PARVB: variants seen among roughly 807,000 people sequenced by gnomAD.
PARVB encodes the protein beta-parvin.
A neutral mutation model predicts 47.0 loss-of-function variants in PARVB; 46 were observed. That is an observed-to-expected ratio of 0.98 (90% CI 0.77 to 1.25). The LOEUF is 1.25. PARVB is among the 50% of genes most tolerant of loss of function. The pLI, the probability that PARVB is intolerant of heterozygous loss-of-function variation, is 0.00. For synonymous variants in PARVB, 196 were observed against 196.3 expected (o/e 1.00, Z 0.01); for missense variants, 473 against 471.6 (o/e 1.00, Z -0.03).
In PARVB at chr22:44,024,405, G is replaced by A; in HGVS notation, c.66G>A (p.Leu22=). 7.9e-7 allele frequency: 1 copy of A among 1,259,298 alleles called. No homozygotes were observed. Among genetic ancestry groups the A allele is most frequent in the Non-Finnish European group, 1.0e-6 (1 of 988,186 alleles). 78.0% of individuals were successfully genotyped at this position (1,259,298 alleles called of 1,614,324 possible). Residue 22 remains leucine (L), a synonymous_variant, in exon 1 of 13, where the codon CTG becomes CTA. Coordinates refer to ENST00000338758, the MANE Select transcript of PARVB (RefSeq NM_013327.5). Reference sequence around the variant, plus strand: ...GGATGAAGAAGGACGAGTCGTTCCTGGGCAAGCTGGGCGGCACCCTGGCCA... The same window carrying A: ...GGATGAAGAAGGACGAGTCGTTCCTAGGCAAGCTGGGCGGCACCCTGGCCA... The part of the protein sequence containing the change: ...PRRMKKDESF[L]GKLGGTLARK...
In PARVB at chr22:44,157,992, G is replaced by T; in HGVS notation, c.854G>T (p.Gly285Val). Residue 285 changes from glycine to valine, a missense_variant, in exon 11 of 13, where the codon GGC (glycine) becomes GTC (valine). Physicochemically the swap from Gly to Val is moderately radical, Grantham distance 109. Transcript: ENST00000338758. ...VTELETQFAD[G>V]VYLVLLMGLL... ...AGTCTTTCTCTGCAGTTTGCAGATG[G>T]CGTGTACCTGGTTCTGCTCATGGGC... is the stretch of plus-strand genomic sequence containing the variant. 3 of 1,612,926 alleles carry T rather than the reference G, an allele frequency of 1.9e-6. No individual in the cohort carries two copies. Among genetic ancestry groups the T allele is most frequent in the Non-Finnish European group, 2.5e-6 (3 of 1,178,960 alleles).
rs991370413 is a variant in PARVB at position 44,170,879 on chromosome 22, G to A, written c.*2201G>A. ...TGATATGAAATCGAATGCCAACACC[G>A]AAGTTTTAGAAAACAGTTTAATATT... On this transcript the variant is annotated 3_prime_UTR_variant, in exon 13 of 13. Transcript: ENST00000338758. 6 of 152,206 alleles carry A rather than the reference G, an allele frequency of 3.9e-5. No homozygotes were observed. The highest frequency in any genetic ancestry group is 5.9e-5 in the Non-Finnish European group (4 of 68,034). 9.4% of individuals were successfully genotyped at this position (152,206 alleles called of 1,614,324 possible).
intron 1 of PARVB, among the ~76,000 whole-genome samples, chr22:44,048,411 G>A (rs953152269): frequency 2.0e-5 from 3 of 151,670 alleles, no homozygotes; most frequent in Non-Finnish European, 2.9e-5. Flanking sequence ...CTGCTGTGTC[G>A]CCCAGGCTGG....
chr22:44,093,519 C>T (rs909386779), intron 1 of PARVB, among the ~76,000 whole-genome samples: 5 of 152,140 alleles, frequency 3.3e-5, no homozygotes, highest in African/African-American at 4.8e-5. Flanking sequence ...ATCTTGAGTC[C>T]GTGGTTCAGG....
chr22:44,002,318 A>G (rs1340739168), intron 2 of PARVB, among the ~76,000 whole-genome samples: 1 of 152,186 alleles, frequency 6.6e-6, no homozygotes, highest in East Asian at 1.9e-4. Flanking sequence ...GTGACTTGCA[A>G]TAGAGTAATT....
chr22:44,160,407 C>T (rs1225669517), intron 11 of PARVB, among the ~76,000 whole-genome samples: 3 of 152,254 alleles, frequency 2.0e-5, no homozygotes, highest in African/African-American at 7.2e-5. Context: ...ATTCTTTCCT[C>T]ACCTGGCCAA....
intron 1 of PARVB, among the ~76,000 whole-genome samples, chr22:44,031,178 GA>G (rs2050819856): frequency 6.6e-6 from 1 of 152,184 alleles, no homozygotes; most frequent in Non-Finnish European, 1.5e-5. Flanking sequence ...AAGGCACAGT[GA>G]GGTCACTGCG....
intron 1 of PARVB, among the ~76,000 whole-genome samples, chr22:44,085,794 C>T (rs1378321812): frequency 6.6e-6 from 1 of 152,184 alleles, no homozygotes; most frequent in African/African-American, 2.4e-5. Flanking sequence ...CCTGCCCAGC[C>T]CCATGCCCAG....
chr22:44,072,941 C>T (rs548252744), intron 1 of PARVB, among the ~76,000 whole-genome samples: 1 of 152,278 alleles, frequency 6.6e-6, no homozygotes, highest in African/African-American at 2.4e-5. Context: ...TGGACTACTA[C>T]ACTCCCTCCT....
At chr22:44,129,005 G>A (rs2147152862) in intron 4 of PARVB, among the ~76,000 whole-genome samples, 1 of 152,342 alleles carries the variant, frequency 6.6e-6, no homozygotes, top group African/African-American at 2.4e-5. Context: ...TTGAACCTGG[G>A]AGGCAGAGGT....
rs912387052 is a variant in PARVB, at chr22:44,155,898, A to G, written c.844-2084A>G. 2.0e-5 allele frequency among the ~76,000 whole-genome samples: 3 copies of G among 152,122 alleles called. No homozygotes were observed. Among genetic ancestry groups the G allele is most frequent in the African/African-American group, 7.2e-5 (3 of 41,410 alleles). On this transcript the variant is annotated intron_variant, in intron 10 of 12. Coordinates refer to ENST00000338758, the MANE Select transcript of PARVB (RefSeq NM_013327.5). This position sits in a 1 kb window ranked among gnomAD's most constrained non-coding sequence, Gnocchi z 4.8. ...CCAGGCGCAGTGGCTCATGCCTGCA[A>G]TCCTAGCACTTTGGGTGGCCGAGGT...
chr22:44,057,748 G>C (rs1484350207), intron 1 of PARVB, among the ~76,000 whole-genome samples: 1 of 152,098 alleles, frequency 6.6e-6, no homozygotes, highest in East Asian at 1.9e-4. Context: ...GTGGGGGAGG[G>C]GAGTGGAAGA....
At chr22:44,122,532 G>GAGAC (rs1569134386) in intron 4 of PARVB, among the ~76,000 whole-genome samples, 32 of 97,318 alleles carry the variant, frequency 3.3e-4, no homozygotes, top group Middle Eastern at 4.7e-3. Context: ...GAGAGACAGA[G>GAGAC]AGAGAGAGAG....
intron 9 of PARVB, chr22:44,151,027 C>T (rs866068230): frequency 1.8e-3 from 113 of 64,170 alleles, no homozygotes; most frequent in African/African-American, 0.011. Context: ...GTGAGACTGT[C>T]TCAAAAAAAA....
At chr22:44,158,899 A>G (rs139072) in intron 11 of PARVB, among the ~76,000 whole-genome samples, 134,255 of 152,350 alleles carry the variant, frequency 0.88, 59,256 homozygotes, top group Non-Finnish European at 0.9. Context: ...GCTGGTGGCG[A>G]CAGCCAGAGA....
intron 10 of PARVB, chr22:44,152,525 G>A (rs954177960): frequency 6.6e-6 from 1 of 152,400 alleles, no homozygotes; most frequent in African/African-American, 2.4e-5. Context: ...TGCACACGCA[G>A]TTCCTCTGTC....
chr22:44,032,661 G>A (rs1162678329), intron 1 of PARVB, among the ~76,000 whole-genome samples: 1 of 152,142 alleles, frequency 6.6e-6, no homozygotes, highest in Non-Finnish European at 1.5e-5. Context: ...CGCTCAATCA[G>A]AATTCGTTAT....
At chr22:44,151,878 C>G (rs1005183670) in intron 10 of PARVB, 2 of 279,842 alleles carry the variant, frequency 7.1e-6, no homozygotes, top group Non-Finnish European at 1.4e-5. Flanking sequence ...TTCCTGGCCT[C>G]CCTCCCAGCT....
At chr22:44,030,441 G>T (rs745848684) in intron 1 of PARVB, among the ~76,000 whole-genome samples, 4 of 152,238 alleles carry the variant, frequency 2.6e-5, no homozygotes, top group Non-Finnish European at 5.9e-5. Flanking sequence ...CAGCCTGTGG[G>T]CTGTGGCCAG....
Sources: gnomAD v4.1 joint callset for allele counts (sites outside exome capture counted in the v4.1 genomes callset) on GRCh38, gnomAD v4.1.1 for gene constraint, Gnocchi (gnomAD v3.1) non-coding constraint, MANE v1.5 for transcripts, NCBI Gene and HGNC (gene_info 2026-07-23, HGNC 2026-07-21) for gene names.